The following RBP7 variants were observed in gnomAD, a reference collection of about 807,000 sequenced individuals.
The protein encoded by RBP7 is retinol binding protein 7.
A neutral mutation model predicts 16.7 loss-of-function variants in RBP7; 13 were observed. The ratio of observed to expected loss-of-function variants is 0.78; its 90% confidence interval spans 0.51 to 1.24. The LOEUF (loss-of-function observed/expected upper bound fraction) is 1.24. Among genes scored for constraint, RBP7 ranks in the 50% most tolerant of loss-of-function variants. The pLI, the probability that RBP7 is intolerant of heterozygous loss-of-function variation, is 0.00. For synonymous variants in RBP7, 54 were observed against 56.2 expected, an observed-to-expected ratio of 0.96 and a Z score of 0.17; for missense variants, 145 against 159.5, an observed-to-expected ratio of 0.91 and a Z score of 0.49.
In RBP7 at chr1:10,015,866, C is replaced by T. The variant is rs773051727; in HGVS notation, c.*34C>T. The stretch of plus-strand genomic sequence containing the variant: ...CAGCAGCAGAGCCCACTTGTGGCTG[C>T]AGCTTTATGCCAAATTATATTGCAG... On this transcript the variant is annotated 3_prime_UTR_variant, in exon 4 of 4. Transcript: ENST00000294435. 25 of 1,596,480 alleles carry T rather than the reference C, an allele frequency of 1.6e-5. No individual in the cohort carries two copies. The South Asian group carries it at 2.4e-4, about 15-fold the overall frequency.
At chr1:10,013,563 T>A (rs1322572544) in intron 3 of RBP7, among the ~76,000 whole-genome samples, 1 of 151,864 alleles carries the variant, frequency 6.6e-6, no homozygotes, top group Non-Finnish European at 1.5e-5. Context: ...AATCCCAGAA[T>A]TTTGGAAGGT....
At chr1:10,001,267 A>G (rs902134279) in intron 1 of RBP7, among the ~76,000 whole-genome samples, 1 of 152,162 alleles carries the variant, frequency 6.6e-6, no homozygotes, top group Non-Finnish European at 1.5e-5. Flanking sequence ...GCCAAACCGC[A>G]GTGAGAAGAA....
At chr1:10,006,369 G>C (rs1283964639) in intron 1 of RBP7, among the ~76,000 whole-genome samples, 3 of 151,990 alleles carry the variant, frequency 2.0e-5, no homozygotes, top group Non-Finnish European at 4.4e-5. Context: ...ACATTTCCAG[G>C]CATGGTGGCA....
intron 1 of RBP7, among the ~76,000 whole-genome samples, chr1:10,001,265 G>A (rs745823445): frequency 1.3e-5 from 2 of 152,218 alleles, no homozygotes; most frequent in East Asian, 1.9e-4. Flanking sequence ...TTGCCAAACC[G>A]CAGTGAGAAG....
Position 10,015,890 on chromosome 1 carries a change from A to C in RBP7, c.*58A>C, listed in dbSNP as rs1463889930. The C allele has an allele frequency of 2.0e-6, 3 of 1,489,922 alleles. No individual in the cohort carries two copies. The highest frequency in any genetic ancestry group is 2.8e-5 in the African/African-American group (2 of 72,616). 92.3% of individuals were successfully genotyped at this position (1,489,922 alleles called of 1,614,324 possible). ...GCAGCTTTATGCCAAATTATATTGC[A>C]GACTGAACAGACGTTTATCTATCCC... On this transcript the variant is annotated 3_prime_UTR_variant, in exon 4 of 4. Transcript: ENST00000294435.
chr1:9,998,700 A>G (rs926350553), intron 1 of RBP7, among the ~76,000 whole-genome samples: 8 of 151,682 alleles, frequency 5.3e-5, no homozygotes, highest in African/African-American at 1.7e-4. Flanking sequence ...GAGGCACCGC[A>G]CCGGCCAATT....
rs749027422 is a variant in RBP7 at position 9,997,241 on chromosome 1, G to A, written c.-18G>A. ...GAGCCTCCGGCCGCCCGCCGGGTTTGTCCCGCGATCCCCGACCATGCCCGC... is the reference window on the plus strand; with the variant it reads ...GAGCCTCCGGCCGCCCGCCGGGTTTATCCCGCGATCCCCGACCATGCCCGC... On this transcript the variant is annotated 5_prime_UTR_variant, in exon 1 of 4. Transcript: ENST00000294435. This position sits in a 1 kb window ranked among gnomAD's most constrained non-coding sequence, Gnocchi z 5.9. 1 of 1,551,334 alleles carries A rather than the reference G, an allele frequency of 6.4e-7. No homozygotes were observed.
intron 3 of RBP7, among the ~76,000 whole-genome samples, chr1:10,015,272 G>A (rs865881594): frequency 4.0e-5 from 6 of 151,676 alleles, no homozygotes; most frequent in Admixed American, 1.3e-4. Flanking sequence ...AAACCCCGTC[G>A]CTACTAAAAA....
rs1482368143 is a variant in RBP7 at position 9,997,469 on chromosome 1, C to G, written c.73+138C>G. ...CTGCGCCCACCGTCGCCCAGTCGCC[C>G]CCGAGTCCGCTGGTCCTTGGCGCCT... On this transcript the variant is annotated intron_variant, in intron 1 of 3. Coordinates refer to ENST00000294435, the MANE Select transcript of RBP7 (RefSeq NM_052960.3). This position sits in a 1 kb window ranked among gnomAD's most constrained non-coding sequence, Gnocchi z 5.9. 1 of 763,186 alleles carries G rather than the reference C, an allele frequency of 1.3e-6. No individual in the cohort carries two copies. The highest frequency in any genetic ancestry group is 1.8e-5 in the African/African-American group (1 of 54,072). The allele number at this position is 763,186 out of a possible 1,614,324, so 47.3% of individuals were successfully genotyped here. A position where few individuals can be genotyped will look rare whatever the true frequency, so the allele number is the denominator to read the frequency against.
intron 2 of RBP7, 68 bp from the exon 3 acceptor site, chr1:10,008,105 G>T: frequency 9.7e-7 from 1 of 1,025,790 alleles, no homozygotes; most frequent in Non-Finnish European, 1.5e-6. Context: ...GGGTAACTTG[G>T]CATTCTACTT....
intron 1 of RBP7, chr1:10,006,901 A>G: frequency 4.8e-6 from 2 of 416,502 alleles, no homozygotes; most frequent in Admixed American, 3.1e-5. Context: ...CAGAGTTATG[A>G]CTGAGGCTGG....
chr1:10,000,714 A>C (rs1642253470), intron 1 of RBP7, among the ~76,000 whole-genome samples: 1 of 152,122 alleles, frequency 6.6e-6, no homozygotes, highest in Non-Finnish European at 1.5e-5. Flanking sequence ...AGGGTCTAGG[A>C]AAATAATAAA....
chr1:10,014,021 T>A (rs557121022), intron 3 of RBP7, among the ~76,000 whole-genome samples: 2 of 151,796 alleles, frequency 1.3e-5, no homozygotes, highest in Admixed American at 6.6e-5. Flanking sequence ...AAAAAAAAGA[T>A]CTTTTGTGTG....
chr1:9,998,395 C>T lies in RBP7; in HGVS notation c.73+1064C>T, dbSNP rs1031366416. ...CAATTTTTGTTTTCTTTTTTTCTTT[C>T]TTTCTTTCTTTCTTTTTTTTTTTTT... is the stretch of plus-strand genomic sequence containing the variant. On this transcript the variant is annotated intron_variant, in intron 1 of 3. Transcript: ENST00000294435. Among the ~76,000 whole-genome samples, 230 of 118,376 alleles carry T rather than the reference C, an allele frequency of 1.9e-3. 1 individual carries two copies. The highest frequency in any genetic ancestry group is 8.5e-3 in the African/African-American group (217 of 25,394). 77.7% of individuals were successfully genotyped at this position (118,376 alleles called of 152,430 possible). A position where few individuals can be genotyped will look rare whatever the true frequency, so the allele number is the denominator to read the frequency against.
At chr1:10,013,664 G>C (rs771999550) in intron 3 of RBP7, among the ~76,000 whole-genome samples, 5 of 152,150 alleles carry the variant, frequency 3.3e-5, no homozygotes, top group Non-Finnish European at 7.4e-5. Context: ...ACAAAAATTA[G>C]CCGGGTGTGG....
intron 1 of RBP7, among the ~76,000 whole-genome samples, chr1:10,000,928 G>A (rs1328011350): frequency 6.6e-6 from 1 of 152,126 alleles, no homozygotes; most frequent in Non-Finnish European, 1.5e-5. Context: ...TAGAGACGGA[G>A]TTTTACCATC....
rs1301365001 is a variant in RBP7 at position 9,997,345 on chromosome 1, G to T, written c.73+14G>T. The T allele has an allele frequency of 1.2e-6, 2 of 1,609,280 alleles. No individual in the cohort carries two copies. The highest frequency in any genetic ancestry group is 1.7e-6 in the Non-Finnish European group (2 of 1,178,272). On this transcript the variant is annotated intron_variant, in intron 1 of 3. Transcript: ENST00000294435. The surrounding 1 kb of genome is among the most constrained non-coding windows in gnomAD (Gnocchi z 5.9). Reference sequence around the variant, plus strand: ...TGCTGGCCCTAGGTAAGGCGGAGGGGAGGCGGCGGCGGCGCGAGGCTCGCC... The same window carrying T: ...TGCTGGCCCTAGGTAAGGCGGAGGGTAGGCGGCGGCGGCGCGAGGCTCGCC...
At chr1:10,009,993 G>A (rs553993907) in intron 3 of RBP7, among the ~76,000 whole-genome samples, 1 of 152,176 alleles carries the variant, frequency 6.6e-6, no homozygotes, top group Non-Finnish European at 1.5e-5. Flanking sequence ...TGTACAGTTT[G>A]ATAATTTCTA....
In RBP7 at chr1:9,998,500, C is replaced by T. The variant is rs1045193682; in HGVS notation, c.73+1169C>T. 3.3e-5 allele frequency among the ~76,000 whole-genome samples: 5 copies of T among 150,074 alleles called. No individual in the cohort carries two copies. In the South Asian group the frequency reaches 8.5e-4, roughly 25 times the overall value. ...TCGGCTCACTGCAAGCTCCGCCTAC[C>T]GGGTTCACGCCATTTTCCTGCCTCA... On this transcript the variant is annotated intron_variant, in intron 1 of 3. Coordinates refer to ENST00000294435, the MANE Select transcript of RBP7 (RefSeq NM_052960.3).
Sources: gnomAD v4.1 joint callset for allele counts (sites outside exome capture counted in the v4.1 genomes callset) on GRCh38, gnomAD v4.1.1 for gene constraint, Gnocchi (gnomAD v3.1) non-coding constraint, MANE v1.5 for transcripts, NCBI Gene and HGNC (gene_info 2026-07-23, HGNC 2026-07-21) for gene names.